The following MGAT4A variants were observed in gnomAD, a reference collection of about 807,000 sequenced individuals.
The protein encoded by MGAT4A is N-acetylglucosaminyltransferase IVa.
MGAT4A carries 33 observed loss-of-function variants against 74.1 expected under a neutral mutation model. The observed-to-expected ratio is 0.45, with a 90% CI of 0.34 to 0.60. MGAT4A has a LOEUF of 0.60. Among genes scored for constraint, MGAT4A ranks in the 20% least tolerant of loss-of-function variants. The probability of loss-of-function intolerance (pLI) is 0.02; values close to 1 mark genes in which losing one functional copy is unlikely to be tolerated. For missense variants in MGAT4A, 479 were observed against 628.3 expected, an observed-to-expected ratio of 0.76 and a Z score of 2.54; for synonymous variants, 198 against 210.4, an observed-to-expected ratio of 0.94 and a Z score of 0.51.
intron 1 of MGAT4A, among the ~76,000 whole-genome samples, chr2:98,730,491 G>A (rs1311148882): frequency 6.6e-6 from 1 of 152,190 alleles, no homozygotes; most frequent in Non-Finnish European, 1.5e-5. Context: ...AGGCTGCACG[G>A]CCGGTCCCCT....
In MGAT4A at chr2:98,683,960, ATC is replaced by A. The variant is rs1237980343; in HGVS notation, c.95-5491_95-5490del. ...AAAGGCTCCAGAGGGGCCATTTTCG[ATC>A]TCTCTCACATCCGTCCTTTGTTTCT... On this transcript the variant is annotated intron_variant, in intron 2 of 15. Coordinates refer to ENST00000393487, the MANE Select transcript of MGAT4A (RefSeq NM_012214.3). Among the ~76,000 whole-genome samples the A allele has an allele frequency of 1.6e-4, 24 of 152,296 alleles. No homozygotes were observed. In the South Asian group the frequency reaches 3.3e-3, roughly 21 times the overall value.
intron 2 of MGAT4A, among the ~76,000 whole-genome samples, chr2:98,717,435 T>C (rs1407894609): frequency 6.6e-6 from 1 of 151,448 alleles, no homozygotes; most frequent in Non-Finnish European, 1.5e-5. Context: ...TAGGAGGACA[T>C]GACAACTAAA....
chr2:98,663,367 T>C (rs990764426), intron 4 of MGAT4A, 188 bp from the exon 5 acceptor site: 6 of 1,524,772 alleles, frequency 3.9e-6, no homozygotes, highest in East Asian at 2.5e-5. Context: ...CATTTTCACA[T>C]GGCTTAACCA....
In MGAT4A at chr2:98,667,179, A is replaced by G. The variant is rs142978695; in HGVS notation, c.404-4000T>C. ...ATGATTGTGAGGCCTCCCTAGCCAC[A>G]TGGAACTGTAAGTCCAATTAAACCT... On this transcript the variant is annotated intron_variant, in intron 4 of 15. Transcript: ENST00000393487. Among the ~76,000 whole-genome samples, 989 of 152,312 alleles carry G rather than the reference A, an allele frequency of 6.5e-3. 9 individuals are homozygous for G. Among genetic ancestry groups the G allele is most frequent in the African/African-American group, 0.018 (730 of 41,572 alleles).
rs370095030 is a variant in MGAT4A, at chr2:98,726,255, T to A, written c.78A>T (p.Thr26=). Reference sequence around the variant, plus strand: ...TTTCCTTACCTTTCCCATTTTGCCATGTAGTATACCAAGACAAAGTAAGGA... The same window carrying A: ...TTTCCTTACCTTTCCCATTTTGCCAAGTAGTATACCAAGACAAAGTAAGGA... ...TSFLTLSWYT[T]WQNGKEKLIA... Residue 26 remains threonine, a synonymous_variant, in exon 2 of 16, where the codon ACA becomes ACT. Coordinates refer to ENST00000393487, the MANE Select transcript of MGAT4A (RefSeq NM_012214.3). The A allele has an allele frequency of 4.3e-6, 7 of 1,613,606 alleles. No homozygotes were observed. Among genetic ancestry groups the A allele is most frequent in the Non-Finnish European group, 5.9e-6 (7 of 1,179,652 alleles).
intron 2 of MGAT4A, among the ~76,000 whole-genome samples, chr2:98,690,351 C>T (rs900260667): frequency 6.6e-6 from 1 of 152,114 alleles, no homozygotes; most frequent in African/African-American, 2.4e-5. Context: ...GTCCCTTCTC[C>T]CCTCTTAGCA....
Position 98,620,111 on chromosome 2 carries a change from TAAG to T in MGAT4A, c.*5452_*5454del, listed in dbSNP as rs975171235. ...AAACCGGGTGAAGGAGTGTTTCAGGTAAGAAGAAGAGTTTATATATAGGTGTTG... is the reference window on the plus strand; with the variant it reads ...AAACCGGGTGAAGGAGTGTTTCAGGTAAGAAGAGTTTATATATAGGTGTTG... On this transcript the variant is annotated 3_prime_UTR_variant, in exon 16 of 16. Coordinates refer to ENST00000393487, the MANE Select transcript of MGAT4A (RefSeq NM_012214.3). The T allele has an allele frequency of 6.6e-6, 1 of 152,200 alleles. No homozygotes were observed. Among genetic ancestry groups the T allele is most frequent in the Non-Finnish European group, 1.5e-5 (1 of 68,034 alleles). The allele number at this position is 152,200 out of a possible 1,614,324, so 9.4% of individuals were successfully genotyped here.
At chr2:98,661,079 AC>A (rs1701742216) in intron 5 of MGAT4A, among the ~76,000 whole-genome samples, 1 of 152,192 alleles carries the variant, frequency 6.6e-6, no homozygotes, top group Non-Finnish European at 1.5e-5. Context: ...GTAAGAAAAA[AC>A]ACTGAAAAAA....
chr2:98,703,344 G>A (rs1468106405), intron 2 of MGAT4A, among the ~76,000 whole-genome samples: 4 of 152,132 alleles, frequency 2.6e-5, no homozygotes. Context: ...AAATTATCGA[G>A]TCTGAAGAAC....
intron 5 of MGAT4A, among the ~76,000 whole-genome samples, chr2:98,658,639 T>C (rs12478079): frequency 0.23 from 34,950 of 152,058 alleles, 4,658 homozygotes; most frequent in African/African-American, 0.35. Flanking sequence ...AAGGTTTGCC[T>C]CTGTAGCTAC....
chr2:98,700,283 AT>A (rs1223478917), intron 2 of MGAT4A, among the ~76,000 whole-genome samples: 1 of 149,654 alleles, frequency 6.7e-6, no homozygotes, highest in South Asian at 2.1e-4. Flanking sequence ...TAAAAGCTTG[AT>A]TTTTTCCTTT....
intron 2 of MGAT4A, among the ~76,000 whole-genome samples, chr2:98,702,555 T>C (rs1054086951): frequency 6.6e-6 from 1 of 152,194 alleles, no homozygotes; most frequent in Non-Finnish European, 1.5e-5. Flanking sequence ...TTAGAGCCCA[T>C]GCATGCACAC....
intron 6 of MGAT4A, among the ~76,000 whole-genome samples, chr2:98,657,089 C>T (rs914655634): frequency 1.3e-5 from 2 of 152,198 alleles, no homozygotes; most frequent in Non-Finnish European, 2.9e-5. Flanking sequence ...GCAGCCCCCA[C>T]AACAAAAAAT....
At chr2:98,707,097 C>T (rs1702450122) in intron 2 of MGAT4A, among the ~76,000 whole-genome samples, 1 of 152,132 alleles carries the variant, frequency 6.6e-6, no homozygotes, top group Admixed American at 6.5e-5. Flanking sequence ...TGCCTGTAGT[C>T]CCAGCTGCTT....
At chr2:98,647,063 A>C (rs1701496539) in intron 8 of MGAT4A, among the ~76,000 whole-genome samples, 1 of 152,244 alleles carries the variant, frequency 6.6e-6, no homozygotes, top group African/African-American at 2.4e-5. Context: ...TTCTTTATAG[A>C]AGAACTCAAC....
intron 14 of MGAT4A, among the ~76,000 whole-genome samples, chr2:98,631,008 A>G (rs924497983): frequency 6.6e-6 from 1 of 152,208 alleles, no homozygotes; most frequent in Non-Finnish European, 1.5e-5. Context: ...GGGACGGCCA[A>G]GGGCTACAGC....
chr2:98,663,339 A>G (rs1289979615), intron 4 of MGAT4A, 160 bp from the exon 5 acceptor site: 1 of 1,529,540 alleles, frequency 6.5e-7, no homozygotes, highest in Non-Finnish European at 8.8e-7. Context: ...ACAAGGGCAT[A>G]CCTGTAATAC....
chr2:98,725,952 G>C, intron 2 of MGAT4A: 1 of 409,064 alleles, frequency 2.4e-6, no homozygotes, highest in Non-Finnish European at 4.3e-6. Context: ...CAAAACGAAA[G>C]TCTTTATTAT....
chr2:98,727,297 G>C (rs1358559676), intron 1 of MGAT4A, among the ~76,000 whole-genome samples: 3 of 152,146 alleles, frequency 2.0e-5, no homozygotes, highest in African/African-American at 7.2e-5. Context: ...ACTCTGCATT[G>C]CTTTAAATCA....
Sources: gnomAD v4.1 joint callset for allele counts (sites outside exome capture counted in the v4.1 genomes callset) on GRCh38, gnomAD v4.1.1 for gene constraint, MANE v1.5 for transcripts, NCBI Gene and HGNC (gene_info 2026-07-23, HGNC 2026-07-21) for gene names.